The following FMOD variants were observed in gnomAD, a reference collection of about 807,000 sequenced individuals.
The protein encoded by FMOD is KSPG fibromodulin.
Under a neutral mutation model 27.0 loss-of-function variants are expected in FMOD, and 15 were observed. The ratio of observed to expected loss-of-function variants is 0.55; its 90% confidence interval spans 0.37 to 0.85. FMOD has a LOEUF of 0.85. Ranked by LOEUF, FMOD falls within the 40% of genes least tolerant of loss-of-function variation. FMOD has a pLI of 0.00. For missense variants in FMOD, 460 were observed against 483.2 expected (o/e 0.95, Z 0.45); for synonymous variants, 210 against 214.0 (o/e 0.98, Z 0.16).
chr1:203,345,900 A>AAC (rs1658879470), intron 2 of FMOD, among the ~76,000 whole-genome samples: 1 of 151,176 alleles, frequency 6.6e-6, no homozygotes, highest in Non-Finnish European at 1.5e-5. Flanking sequence ...TCTGTCTCAA[A>AAC]AAAAAAAAAA....
Position 203,348,003 on chromosome 1 carries a change from T to A in FMOD, c.268A>T (p.Met90Leu), listed in dbSNP as rs778711602. The A allele has an allele frequency of 1.2e-6, 2 of 1,608,214 alleles. No individual in the cohort carries two copies. The highest frequency in any genetic ancestry group is 2.2e-5 in the South Asian group (2 of 90,168). The change falls in exon 2 of 3, where the codon ATG (methionine) becomes TTG (leucine). Residue 90 changes from methionine to leucine, a missense_variant. Transcript: ENST00000354955. The stretch of plus-strand genomic sequence containing the variant: ...TTGAGGTTGCGATTGTCACAGTACA[T>A]GGCCGTGGGGAAGTTGGGTGGGCAG... ...CDCPPNFPTA[M>L]YCDNRNLKYL...
chr1:203,347,889 C>T lies in FMOD; in HGVS notation c.382G>A (p.Ala128Thr). ...TSIQEGVFDN[A>T]TGLLWIALHG... ...AGAGCAATCCAGAGCAGCCCTGTGG[C>T]ATTGTCAAAGACGCCTTCCTGGATG... is the stretch of plus-strand genomic sequence containing the variant. The change falls in exon 2 of 3, where the codon GCC (alanine) becomes ACC (threonine). Residue 128 changes from alanine (A) to threonine (T), a missense_variant. Ala to Thr is a moderately conservative substitution (Grantham distance 58). Coordinates refer to ENST00000354955, the MANE Select transcript of FMOD (RefSeq NM_002023.5). 6.2e-7 allele frequency: 1 copy of T among 1,613,880 alleles called. No homozygotes were observed. The highest frequency in any genetic ancestry group is 2.2e-5 in the East Asian group (1 of 44,866).
Position 203,348,178 on chromosome 1 carries a change from G to A in FMOD, c.93C>T (p.Leu31=). Residue 31 remains leucine, a synonymous_variant, in exon 2 of 3, where the codon CTC becomes CTT. Transcript: ENST00000354955. ...CGTAGTAGGTGGACTGCTGGCTGCG[G>A]AGGTAGTGGAACCACCAATGAGGGT... is the stretch of plus-strand genomic sequence containing the variant. The part of the protein sequence containing the change: ...EDDPHWWFHY[L]RSQQSTYYDP... The A allele has an allele frequency of 6.2e-7, 1 of 1,614,178 alleles. No homozygotes were observed. Among genetic ancestry groups the A allele is most frequent in the Non-Finnish European group, 8.5e-7 (1 of 1,180,032 alleles).
At chr1:203,343,931 G>C (rs910291926) in intron 2 of FMOD, among the ~76,000 whole-genome samples, 1 of 152,204 alleles carries the variant, frequency 6.6e-6, no homozygotes, top group Non-Finnish European at 1.5e-5. Flanking sequence ...AAATTAACTT[G>C]TATTGCAGGC....
Position 203,348,012 on chromosome 1 carries a change from G to T in FMOD, c.259C>A (p.Pro87Thr). The T allele has an allele frequency of 6.2e-7, 1 of 1,609,166 alleles. No individual in the cohort carries two copies. The highest frequency in any genetic ancestry group is 2.2e-5 in the East Asian group (1 of 44,818). Residue 87 changes from proline to threonine, a missense_variant, in exon 2 of 3, where the codon CCC becomes ACC. By Grantham distance (38) the Pro-to-Thr change is conservative. Transcript: ENST00000354955. ...CGATTGTCACAGTACATGGCCGTGG[G>T]GAAGTTGGGTGGGCAGTCGCACTCC... ...PQECDCPPNF[P>T]TAMYCDNRNL...
In FMOD at chr1:203,342,126, GTCCC is replaced by G; in HGVS notation, c.*213_*216del. ...GATCCTTCCATCTACCACCACTTCT[GTCCC>G]TGGAAAAGAGTGAGCTTCTGCCTAT... On this transcript the variant is annotated 3_prime_UTR_variant, in exon 3 of 3. Coordinates refer to ENST00000354955, the MANE Select transcript of FMOD (RefSeq NM_002023.5). 1.9e-6 allele frequency: 1 copy of G among 519,464 alleles called. No individual in the cohort carries two copies. Among genetic ancestry groups the G allele is most frequent in the South Asian group, 3.0e-5 (1 of 33,358 alleles). 32.2% of individuals were successfully genotyped at this position (519,464 alleles called of 1,614,324 possible).
rs750816904 is a variant in FMOD at position 203,342,436 on chromosome 1, C to T, written c.1038G>A (p.Gln346=). 4 of 1,614,074 alleles carry T rather than the reference C, an allele frequency of 2.5e-6. No individual in the cohort carries two copies. The Admixed American group carries it at 6.7e-5, about 27-fold the overall frequency. ...TCTCGTTCCCGTCCAGGCGCAGCAC[C>T]TGCAGCTTGGAGAAGTTCACGACGT... ...VVDVVNFSKL[Q]VLRLDGNEIK... Residue 346 remains glutamine, a synonymous_variant, in exon 3 of 3, where the codon CAG becomes CAA. Transcript: ENST00000354955.
intron 1 of FMOD, among the ~76,000 whole-genome samples, chr1:203,350,411 G>GA (rs1274649647): frequency 3.3e-5 from 5 of 152,262 alleles, no homozygotes; most frequent in Admixed American, 3.3e-4. Flanking sequence ...AGCTACTGCT[G>GA]TTCTTTCATT....
At chr1:203,350,380 G>A (rs1658969329) in intron 1 of FMOD, among the ~76,000 whole-genome samples, 2 of 152,114 alleles carry the variant, frequency 1.3e-5, no homozygotes, top group Admixed American at 1.3e-4. Flanking sequence ...CACACTATCA[G>A]CTGGGGGAAG....
chr1:203,345,294 T>A (rs1011732858), intron 2 of FMOD, among the ~76,000 whole-genome samples: 2 of 152,182 alleles, frequency 1.3e-5, no homozygotes, highest in African/African-American at 4.8e-5. Context: ...GAAGAGGTGG[T>A]CCACCTCCCA....
chr1:203,349,365 C>T (rs1658952634), intron 1 of FMOD, among the ~76,000 whole-genome samples: 1 of 152,222 alleles, frequency 6.6e-6, no homozygotes, highest in South Asian at 2.1e-4. Context: ...TCTAGGTCCC[C>T]ACATTGCTGG....
chr1:203,349,337 A>G (rs1232295693), intron 1 of FMOD, among the ~76,000 whole-genome samples: 2 of 152,216 alleles, frequency 1.3e-5, no homozygotes, highest in African/African-American at 2.4e-5. Context: ...GATGACACCT[A>G]GATGACCAGG....
At position 203,342,451 on chromosome 1, in the gene FMOD, G is replaced by A. The variant is rs1658812009; in HGVS notation, c.1023C>T (p.Asn341=). 1.2e-6 allele frequency: 2 copies of A among 1,614,074 alleles called. No individual in the cohort carries two copies. Among genetic ancestry groups the A allele is most frequent in the African/African-American group, 2.7e-5 (2 of 74,940 alleles). ...GGCGCAGCACCTGCAGCTTGGAGAA[G>A]TTCACGACGTCCACCACGGTGCAGA... The part of the protein sequence containing the change: ...SSFCTVVDVV[N]FSKLQVLRLD... The change falls in exon 3 of 3, where the codon AAC becomes AAT. Residue 341 remains asparagine (N), a synonymous_variant. Coordinates refer to ENST00000354955, the MANE Select transcript of FMOD (RefSeq NM_002023.5).
chr1:203,345,160 G>A (rs909279973), intron 2 of FMOD, among the ~76,000 whole-genome samples: 1 of 152,148 alleles, frequency 6.6e-6, no homozygotes, highest in African/African-American at 2.4e-5. Flanking sequence ...CACGGGGCTT[G>A]GACTTAAATT....
At chr1:203,349,846 G>A (rs555558950) in intron 1 of FMOD, among the ~76,000 whole-genome samples, 2 of 152,172 alleles carry the variant, frequency 1.3e-5, no homozygotes, top group South Asian at 2.1e-4. Flanking sequence ...CAGTTCCTAG[G>A]TTGCAGAGGA....
rs144506167 is a variant in FMOD, at chr1:203,345,238, G to A, written c.979+2054C>T. On this transcript the variant is annotated intron_variant, in intron 2 of 2. Coordinates refer to ENST00000354955, the MANE Select transcript of FMOD (RefSeq NM_002023.5). ...TTGTTTGAACAGAGAATTTGTTTGC[G>A]GGACCTTAGGAAACTGCACTAATTT... Among the ~76,000 whole-genome samples the A allele has an allele frequency of 8.5e-5, 13 of 152,202 alleles. No individual in the cohort carries two copies. In the East Asian group the frequency reaches 1.9e-3, roughly 23 times the overall value.
At chr1:203,346,074 A>G (rs929750151) in intron 2 of FMOD, among the ~76,000 whole-genome samples, 2 of 151,778 alleles carry the variant, frequency 1.3e-5, no homozygotes, top group Non-Finnish European at 2.9e-5. Flanking sequence ...CCGACTGTCA[A>G]CTCCCAAATT....
chr1:203,344,524 T>C (rs1419773696), intron 2 of FMOD, among the ~76,000 whole-genome samples: 1 of 152,188 alleles, frequency 6.6e-6, no homozygotes, highest in African/African-American at 2.4e-5. Context: ...CCCGCCCTGC[T>C]CCACTGAATC....
In FMOD at chr1:203,342,541, C is replaced by A. The variant is rs368364663; in HGVS notation, c.980-47G>T. 2.5e-6 allele frequency: 4 copies of A among 1,581,330 alleles called. No homozygotes were observed. In the African/African-American group the frequency reaches 5.4e-5, roughly 21 times the overall value. ...GGGTCAGGGAGAGAAGCCCAGATTA[C>A]GAACCTGAAGCCACAGTGAGATTAG... On this transcript the variant is annotated intron_variant, in intron 2 of 2. Transcript: ENST00000354955.
Sources: gnomAD v4.1 joint callset for allele counts (sites outside exome capture counted in the v4.1 genomes callset) on GRCh38, gnomAD v4.1.1 for gene constraint, MANE v1.5 for transcripts, NCBI Gene and HGNC (gene_info 2026-07-23, HGNC 2026-07-21) for gene names.